FMN2: variants seen among roughly 807,000 people sequenced by gnomAD.
FMN2 encodes formin 2, also known as formin-2.
In FMN2, 51 loss-of-function variants were observed where a neutral mutation model predicts 142.3. The ratio of observed to expected loss-of-function variants is 0.36; its 90% confidence interval spans 0.29 to 0.45. The LOEUF (loss-of-function observed/expected upper bound fraction) is 0.45. Among genes scored for constraint, FMN2 ranks in the 20% least tolerant of loss-of-function variants. FMN2 has a pLI of 1.00. For missense variants in FMN2, 1,936 were observed against 2,122.8 expected (o/e 0.91, Z 1.73); for synonymous variants, 882 against 869.8 (o/e 1.01, Z -0.25).
chr1:240,307,691 C>G (rs1193170857), intron 8 of FMN2, among the ~76,000 whole-genome samples: 1 of 152,106 alleles, frequency 6.6e-6, no homozygotes, highest in Non-Finnish European at 1.5e-5. Context: ...TGGCTTTGTT[C>G]TTTTTACTTA....
intron 15 of FMN2, among the ~76,000 whole-genome samples, chr1:240,399,003 TG>T (rs531546830): frequency 9.7e-4 from 147 of 152,306 alleles, no homozygotes; most frequent in African/African-American, 3.3e-3. Context: ...ATTGCAGCCC[TG>T]GGCAGTCTCG....
At chr1:240,334,730 A>G (rs1671504000) in intron 13 of FMN2, among the ~76,000 whole-genome samples, 1 of 152,240 alleles carries the variant, frequency 6.6e-6, no homozygotes, top group South Asian at 2.1e-4. Context: ...GAAGAATAAT[A>G]GGCCGAAATT....
At chr1:240,306,242 C>A (rs1670396770) in intron 8 of FMN2, among the ~76,000 whole-genome samples, 2 of 152,112 alleles carry the variant, frequency 1.3e-5, no homozygotes, top group Admixed American at 1.3e-4. Flanking sequence ...GCCACCGCAC[C>A]CGGCTGCTTA....
chr1:240,183,247 A>G (rs537039992), intron 3 of FMN2, among the ~76,000 whole-genome samples: 32 of 151,904 alleles, frequency 2.1e-4, no homozygotes, highest in African/African-American at 7.3e-4. Context: ...ATGTTTTAAC[A>G]TAAGTTCGGT....
intron 14 of FMN2, among the ~76,000 whole-genome samples, chr1:240,382,408 C>A (rs2103083371): frequency 6.6e-6 from 1 of 152,226 alleles, no homozygotes; most frequent in Middle Eastern, 3.4e-3. Flanking sequence ...GGCCTGTAAT[C>A]CCAGCACTTT....
At chr1:240,342,212 C>T (rs780960045) in intron 13 of FMN2, among the ~76,000 whole-genome samples, 5 of 152,138 alleles carry the variant, frequency 3.3e-5, no homozygotes, top group Non-Finnish European at 5.9e-5. Flanking sequence ...TATATGTTAC[C>T]GTTCACTGCT....
At chr1:240,377,440 A>G (rs1266895109) in intron 14 of FMN2, among the ~76,000 whole-genome samples, 1 of 152,198 alleles carries the variant, frequency 6.6e-6, no homozygotes, top group East Asian at 1.9e-4. Context: ...CATAGCTTAA[A>G]ACAATACAAA....
intron 1 of FMN2, among the ~76,000 whole-genome samples, chr1:240,118,765 G>A (rs1196428324): frequency 6.6e-6 from 1 of 152,136 alleles, no homozygotes; most frequent in East Asian, 1.9e-4. Context: ...TGCTCTCCAT[G>A]TGGATGTCCA....
At chr1:240,360,345 A>C (rs1044508655) in intron 14 of FMN2, among the ~76,000 whole-genome samples, 2 of 152,168 alleles carry the variant, frequency 1.3e-5, no homozygotes, top group African/African-American at 4.8e-5. Context: ...CAGCATCTGA[A>C]TCTGTATTTT....
chr1:240,217,481 G>A (rs1666948742), intron 6 of FMN2, among the ~76,000 whole-genome samples: 2 of 152,030 alleles, frequency 1.3e-5, no homozygotes, highest in Admixed American at 6.6e-5. Flanking sequence ...AATTTGTTTT[G>A]GGGATACATA....
chr1:240,095,578 CT>C (rs1444111620), intron 1 of FMN2, among the ~76,000 whole-genome samples: 3 of 151,982 alleles, frequency 2.0e-5, no homozygotes, highest in African/African-American at 7.3e-5. Flanking sequence ...ACAGAAATAT[CT>C]GTATAGATAT....
intron 2 of FMN2, among the ~76,000 whole-genome samples, chr1:240,152,821 C>T (rs150848833): frequency 7.2e-5 from 11 of 152,306 alleles, no homozygotes; most frequent in Non-Finnish European, 1.6e-4. Context: ...TTGCAAGTCA[C>T]CACCTCCTTC....
At chr1:240,221,573 GT>G (rs749765241) in intron 6 of FMN2, among the ~76,000 whole-genome samples, 13 of 151,448 alleles carry the variant, frequency 8.6e-5, no homozygotes, top group Admixed American at 3.3e-4. Context: ...TTGTTTGTTT[GT>G]TTTTTTTCTT....
rs1663601886 is a variant in FMN2, at chr1:240,148,390, AG to A, written c.1782+25046del. On this transcript the variant is annotated intron_variant, in intron 2 of 17. Coordinates refer to ENST00000319653, the MANE Select transcript of FMN2 (RefSeq NM_020066.5). Reference sequence around the variant, plus strand: ...GACAGAGAGAGAGAGAGAAAGACAGAGAGAAAGACAGAGAGACAGAGACAGA... The same window carrying A: ...GACAGAGAGAGAGAGAGAAAGACAGAAGAAAGACAGAGAGACAGAGACAGA... Among the ~76,000 whole-genome samples, 24 of 139,520 alleles carry A rather than the reference AG, an allele frequency of 1.7e-4. 1 individual carries two copies. Among genetic ancestry groups the A allele is most frequent in the Admixed American group, 8.2e-4 (12 of 14,572 alleles). 91.5% of individuals were successfully genotyped at this position (139,520 alleles called of 152,430 possible).
intron 14 of FMN2, among the ~76,000 whole-genome samples, chr1:240,375,148 T>A (rs2103074112): frequency 6.6e-6 from 1 of 152,298 alleles, no homozygotes; most frequent in African/African-American, 2.4e-5. Context: ...TGCCATCTTA[T>A]GTGGGCATAG....
intron 13 of FMN2, among the ~76,000 whole-genome samples, chr1:240,338,538 A>T (rs377646727): frequency 6.6e-6 from 1 of 152,160 alleles, no homozygotes; most frequent in South Asian, 2.1e-4. Flanking sequence ...TAAACAATTC[A>T]TATGTTTTAT....
At chr1:240,316,355 G>C (rs1239624478) in intron 8 of FMN2, among the ~76,000 whole-genome samples, 1 of 152,186 alleles carries the variant, frequency 6.6e-6, no homozygotes, top group Admixed American at 6.5e-5. Context: ...AGACCCAGCA[G>C]ATGGAGCAGT....
chr1:240,168,902 C>T (rs1484715766), intron 2 of FMN2, among the ~76,000 whole-genome samples: 1 of 151,820 alleles, frequency 6.6e-6, no homozygotes, highest in East Asian at 1.9e-4. Flanking sequence ...TTATATTGTC[C>T]CTGAGATTAA....
At chr1:240,292,010 A>C (rs1265187990) in intron 7 of FMN2, among the ~76,000 whole-genome samples, 1 of 152,224 alleles carries the variant, frequency 6.6e-6, no homozygotes, top group Non-Finnish European at 1.5e-5. Context: ...CCCATAAAGG[A>C]ACTGAAACTT....
Sources: gnomAD v4.1 joint callset for allele counts (sites outside exome capture counted in the v4.1 genomes callset) on GRCh38, gnomAD v4.1.1 for gene constraint, MANE v1.5 for transcripts, NCBI Gene and HGNC (gene_info 2026-07-23, HGNC 2026-07-21) for gene names.